The following ZNF804B variants were observed in gnomAD, a reference collection of about 807,000 sequenced individuals.
ZNF804B encodes zinc finger 804B.
ZNF804B carries 80 observed loss-of-function variants against 101.4 expected under a neutral mutation model. The ratio of observed to expected loss-of-function variants is 0.79; its 90% CI spans 0.66 to 0.95. The LOEUF is 0.95. Among genes scored for constraint, ZNF804B ranks in the 40% least tolerant of loss-of-function variants. The pLI, the probability that ZNF804B is intolerant of heterozygous loss-of-function variation, is 0.00. For missense variants in ZNF804B, 1,673 were observed against 1,561.9 expected (o/e 1.07, Z -1.20); for synonymous variants, 622 against 558.8 (o/e 1.11, Z -1.59).
intron 1 of ZNF804B, chr7:88,794,005 C>A: frequency 4.2e-6 from 2 of 473,230 alleles, no homozygotes; most frequent in Admixed American, 3.8e-5. Context: ...AATACCACAA[C>A]AAATAGATAC....
intron 1 of ZNF804B, among the ~76,000 whole-genome samples, chr7:88,872,192 T>A (rs1791837501): frequency 6.6e-6 from 1 of 152,158 alleles, no homozygotes; most frequent in Non-Finnish European, 1.5e-5. Context: ...GCAAACACAT[T>A]TAATTGGGAT....
At chr7:88,976,854 T>C (rs1793621164) in intron 1 of ZNF804B, among the ~76,000 whole-genome samples, 1 of 151,710 alleles carries the variant, frequency 6.6e-6, no homozygotes, top group Non-Finnish European at 1.5e-5. Context: ...CCATTCACTA[T>C]GATACTACCA....
intron 1 of ZNF804B, among the ~76,000 whole-genome samples, chr7:88,771,854 A>C (rs1214776610): frequency 6.6e-6 from 1 of 152,076 alleles, no homozygotes; most frequent in South Asian, 2.1e-4. Flanking sequence ...ACTTGAGAGG[A>C]GATATGAATT....
intron 1 of ZNF804B, among the ~76,000 whole-genome samples, chr7:89,175,719 C>T (rs1203616458): frequency 1.3e-5 from 2 of 151,856 alleles, no homozygotes; most frequent in African/African-American, 4.8e-5. Context: ...TATCTTTTCA[C>T]TTTCTGTGTC....
intron 1 of ZNF804B, among the ~76,000 whole-genome samples, chr7:88,948,388 G>A (rs1034411896): frequency 1.4e-5 from 2 of 143,556 alleles, no homozygotes; most frequent in Non-Finnish European, 3.0e-5. Context: ...ATGGGCCATC[G>A]CAGCCTCAAC....
intron 1 of ZNF804B, among the ~76,000 whole-genome samples, chr7:88,814,496 A>C (rs559358708): frequency 1.3e-5 from 2 of 150,954 alleles, no homozygotes; most frequent in Admixed American, 1.3e-4. Flanking sequence ...ACACACAGAA[A>C]GTTTAATGAT....
chr7:89,254,872 C>G (rs1195255427), intron 2 of ZNF804B, among the ~76,000 whole-genome samples: 1 of 152,104 alleles, frequency 6.6e-6, no homozygotes, highest in East Asian at 1.9e-4. Context: ...TTGGGAACTC[C>G]TGACCCCAGG....
intron 1 of ZNF804B, among the ~76,000 whole-genome samples, chr7:88,792,387 A>G (rs1002648002): frequency 2.0e-5 from 3 of 152,146 alleles, no homozygotes; most frequent in Non-Finnish European, 4.4e-5. Context: ...TCACTAGATA[A>G]CTTTAGAAAA....
intron 1 of ZNF804B, among the ~76,000 whole-genome samples, chr7:89,169,477 C>T (rs976418167): frequency 2.6e-5 from 4 of 152,138 alleles, no homozygotes; most frequent in African/African-American, 9.7e-5. Context: ...AGCTGAGTTA[C>T]AAGCCCTGTG....
intron 1 of ZNF804B, among the ~76,000 whole-genome samples, chr7:88,816,204 CA>C (rs1415464965): frequency 1.1e-4 from 17 of 152,150 alleles, no homozygotes. Flanking sequence ...CACTGGGTTC[CA>C]AATCCCCTTT....
rs116636989 is a variant in ZNF804B, at chr7:88,927,854, T to A, written c.108+167770T>A. ...ACCTTGTCCTTAAATTAACATGCAC[T>A]TATGGGTTTTTTTTAGCCATGCATG... On this transcript the variant is annotated intron_variant, in intron 1 of 3. Coordinates refer to ENST00000333190, the MANE Select transcript of ZNF804B (RefSeq NM_181646.5). Among the ~76,000 whole-genome samples the A allele has an allele frequency of 9.6e-3, 1,462 of 152,276 alleles. 23 individuals are homozygous for A. Among genetic ancestry groups the A allele is most frequent in the African/African-American group, 0.033 (1,385 of 41,560 alleles).
intron 1 of ZNF804B, among the ~76,000 whole-genome samples, chr7:89,030,583 A>G (rs951827406): frequency 2.0e-5 from 3 of 152,014 alleles, no homozygotes; most frequent in Admixed American, 2.0e-4. Context: ...GAGTTTTATG[A>G]TTCTAATCTG....
rs142857659 is a variant in ZNF804B, at chr7:89,022,134, G to T, written c.109-196021G>T. ...GAGACAGGATAGTAGAGGCAGGATG[G>T]CTCATTAGTCTCTCTACAGTGCCCT... On this transcript the variant is annotated intron_variant, in intron 1 of 3. Coordinates refer to ENST00000333190, the MANE Select transcript of ZNF804B (RefSeq NM_181646.5). Among the ~76,000 whole-genome samples the T allele has an allele frequency of 3.1e-3, 473 of 152,178 alleles. 8 individuals carry two copies. The highest frequency in any genetic ancestry group is 0.011 in the African/African-American group (452 of 41,514).
intron 1 of ZNF804B, among the ~76,000 whole-genome samples, chr7:89,144,463 G>A (rs1162573699): frequency 6.6e-6 from 1 of 151,938 alleles, no homozygotes; most frequent in Non-Finnish European, 1.5e-5. Flanking sequence ...GAAAAATATT[G>A]AATGATCTTA....
intron 2 of ZNF804B, among the ~76,000 whole-genome samples, chr7:89,243,297 G>A (rs1789396500): frequency 1.1e-5 from 1 of 88,202 alleles, no homozygotes; most frequent in East Asian, 2.5e-4. Context: ...AAGAAAACAC[G>A]AGGATATAAT....
At chr7:89,101,775 G>A (rs549134600) in intron 1 of ZNF804B, among the ~76,000 whole-genome samples, 5 of 151,904 alleles carry the variant, frequency 3.3e-5, no homozygotes, top group Non-Finnish European at 7.4e-5. Context: ...CATGCTTAAT[G>A]GTAGGGATTG....
At chr7:89,190,855 T>C (rs546980395) in intron 1 of ZNF804B, among the ~76,000 whole-genome samples, 5 of 152,268 alleles carry the variant, frequency 3.3e-5, no homozygotes, top group African/African-American at 9.6e-5. Context: ...TGTTAGCATT[T>C]TTTAGCAATA....
At chr7:89,285,776 C>T (rs1790187605) in intron 2 of ZNF804B, among the ~76,000 whole-genome samples, 1 of 151,982 alleles carries the variant, frequency 6.6e-6, no homozygotes. Context: ...CAGGACTTCC[C>T]TTATCCACAA....
At chr7:89,230,368 T>C (rs1453503252) in intron 2 of ZNF804B, among the ~76,000 whole-genome samples, 1 of 151,984 alleles carries the variant, frequency 6.6e-6, no homozygotes, top group Non-Finnish European at 1.5e-5. Context: ...TAAGTGACTC[T>C]GTCCCCCCAA....
Sources: gnomAD v4.1 joint callset for allele counts (sites outside exome capture counted in the v4.1 genomes callset) on GRCh38, gnomAD v4.1.1 for gene constraint, MANE v1.5 for transcripts, NCBI Gene and HGNC (gene_info 2026-07-23, HGNC 2026-07-21) for gene names.